Variants in GTPBP4 observed in about 807,000 individuals in gnomAD.
GTPBP4 encodes the protein GTP binding protein 4.
GTPBP4 carries 15 observed loss-of-function variants against 81.7 expected under a neutral mutation model. That is an observed-to-expected ratio of 0.18 (90% CI 0.12 to 0.28). The LOEUF (loss-of-function observed/expected upper bound fraction) is 0.28, where lower values mean the gene tolerates loss of function less well. Ranked by LOEUF, GTPBP4 falls within the 10% of genes least tolerant of loss-of-function variation. GTPBP4 has a pLI of 1.00. For synonymous variants in GTPBP4, 272 were observed against 274.6 expected, an observed-to-expected ratio of 0.99 and a Z score of 0.09; for missense variants, 847 against 793.8, an observed-to-expected ratio of 1.07 and a Z score of -0.81.
At chr10:1,006,119 C>T (rs1229444735) in intron 9 of GTPBP4, among the ~76,000 whole-genome samples, 4 of 152,232 alleles carry the variant, frequency 2.6e-5, no homozygotes. Context: ...TGAGGGGATG[C>T]TTTGCTCTTC....
chr10:1,009,222 A>G (rs989051279), intron 11 of GTPBP4, among the ~76,000 whole-genome samples, 187 bp downstream of exon 11: 2 of 152,196 alleles, frequency 1.3e-5, no homozygotes, highest in African/African-American at 4.8e-5. Flanking sequence ...CTGAGGGAAG[A>G]TGGCCGTGAA....
intron 6 of GTPBP4, 67 bp downstream of exon 6, chr10:999,162 A>T: frequency 1.1e-6 from 1 of 887,466 alleles, no homozygotes; most frequent in Non-Finnish European, 1.9e-6. Flanking sequence ...CTTGTTGCCC[A>T]GGCTGGAGTG....
At chr10:1,008,640 C>T (rs761210515) in intron 10 of GTPBP4, among the ~76,000 whole-genome samples, 9 of 152,180 alleles carry the variant, frequency 5.9e-5, no homozygotes. Context: ...CCACTTTCTT[C>T]TTCCATAATT....
intron 8 of GTPBP4, 72 bp from the exon 9 acceptor site, chr10:1,005,746 G>C: frequency 2.3e-6 from 2 of 863,610 alleles, no homozygotes; most frequent in East Asian, 2.4e-5. Flanking sequence ...TCCATTTGCA[G>C]AACTGTACAG....
chr10:990,298 T>A (rs965286257), intron 1 of GTPBP4, among the ~76,000 whole-genome samples: 11 of 151,678 alleles, frequency 7.3e-5, no homozygotes, highest in Non-Finnish European at 1.5e-4. Context: ...AAAAAAAAAA[T>A]CACATCGGGA....
At chr10:1,014,704 C>T (rs774425022) in intron 15 of GTPBP4, among the ~76,000 whole-genome samples, 1 of 151,900 alleles carries the variant, frequency 6.6e-6, no homozygotes, top group Non-Finnish European at 1.5e-5. Flanking sequence ...GCCGTGGGAA[C>T]GTGGGAAATT....
Position 1,014,317 on chromosome 10 carries a change from G to A in GTPBP4, c.1608+5G>A. 1.3e-6 allele frequency: 2 copies of A among 1,599,572 alleles called. No homozygotes were observed. Among genetic ancestry groups the A allele is most frequent in the Non-Finnish European group, 1.7e-6 (2 of 1,167,038 alleles). On this transcript the variant is annotated splice_donor_5th_base_variant and intron_variant, in intron 15 of 16. Coordinates refer to ENST00000360803, the MANE Select transcript of GTPBP4 (RefSeq NM_012341.3). Reference sequence around the variant, plus strand: ...GACATGGACGATAAAGACGATGTGAGTGTGGGGGCGGTTCATGTGTTTATG... The same window carrying A: ...GACATGGACGATAAAGACGATGTGAATGTGGGGGCGGTTCATGTGTTTATG...
intron 4 of GTPBP4, 130 bp downstream of exon 4, chr10:996,372 C>A: frequency 1.5e-6 from 1 of 685,228 alleles, no homozygotes; most frequent in Non-Finnish European, 2.3e-6. Flanking sequence ...CCTAGCTTTA[C>A]CTATGAGAAA....
At chr10:1,009,465 G>T in intron 11 of GTPBP4, 64 bp from the exon 12 acceptor site, 1 of 1,029,942 alleles carries the variant, frequency 9.7e-7, no homozygotes. Flanking sequence ...AGTGACAAGG[G>T]GCAGAGCATT....
intron 13 of GTPBP4, among the ~76,000 whole-genome samples, chr10:1,012,021 G>A (rs771258415): frequency 6.6e-6 from 1 of 152,152 alleles, no homozygotes; most frequent in Non-Finnish European, 1.5e-5. Flanking sequence ...GGTGATAAAC[G>A]TGTGTGTTTT....
intron 1 of GTPBP4, 63 bp downstream of exon 1, chr10:988,590 G>A: frequency 7.7e-7 from 1 of 1,296,936 alleles, no homozygotes; most frequent in Non-Finnish European, 1.1e-6. Flanking sequence ...CCCCGGGGAG[G>A]GTCCGGGCCT....
chr10:1,016,458 T>C (rs1367806905), intron 16 of GTPBP4, among the ~76,000 whole-genome samples: 1 of 152,264 alleles, frequency 6.6e-6, no homozygotes, highest in Non-Finnish European at 1.5e-5. Context: ...AGCGTTGTGG[T>C]AATGGAGATG....
At chr10:989,350 G>A (rs572613126) in intron 1 of GTPBP4, among the ~76,000 whole-genome samples, 1 of 152,082 alleles carries the variant, frequency 6.6e-6, no homozygotes, top group Non-Finnish European at 1.5e-5. Flanking sequence ...CCTGATCCCG[G>A]GTGATCCTCC....
Position 1,000,951 on chromosome 10 carries a change from C to T in GTPBP4, c.850C>T (p.Leu284Phe), listed in dbSNP as rs763990736. ...NIRPLFINKP[L>F]IVVANKCDVK... ...ATTATTTTTCTTCCTTGCCTAGCCT[C>T]TCATAGTTGTAGCCAACAAATGTGA... is the stretch of plus-strand genomic sequence containing the variant. Residue 284 changes from leucine to phenylalanine, a missense_variant, in exon 8 of 17, where the codon CTC becomes TTC. Transcript: ENST00000360803. The T allele has an allele frequency of 2.5e-6, 4 of 1,612,598 alleles. No homozygotes were observed. The highest frequency in any genetic ancestry group is 1.7e-4 in the Middle Eastern group (1 of 6,058).
At chr10:1,001,829 T>A (rs1002773115) in intron 8 of GTPBP4, among the ~76,000 whole-genome samples, 1 of 152,150 alleles carries the variant, frequency 6.6e-6, no homozygotes, top group Middle Eastern at 3.2e-3. Context: ...TCCTGGAGAA[T>A]GTTTCATGGA....
chr10:993,732 G>A (rs370168583), intron 2 of GTPBP4, among the ~76,000 whole-genome samples: 8 of 152,176 alleles, frequency 5.3e-5, no homozygotes, highest in East Asian at 3.8e-4. Flanking sequence ...CTGAAGGCAG[G>A]TGTAGGCAGA....
At chr10:998,195 G>T (rs1038816457) in intron 5 of GTPBP4, among the ~76,000 whole-genome samples, 1 of 152,086 alleles carries the variant, frequency 6.6e-6, no homozygotes, top group Non-Finnish European at 1.5e-5. Flanking sequence ...AACCTTCCGG[G>T]CCCAAACAGT....
rs1832025861 is a variant in GTPBP4 at position 1,018,320 on chromosome 10, G to T, written c.*1093G>T. 6.6e-6 allele frequency: 1 copy of T among 151,862 alleles called. No individual in the cohort carries two copies. The highest frequency in any genetic ancestry group is 1.5e-5 in the Non-Finnish European group (1 of 68,050). The allele number at this position is 151,862 out of a possible 1,614,324, so 9.4% of individuals were successfully genotyped here. A position where few individuals can be genotyped will look rare whatever the true frequency, so the allele number is the denominator to read the frequency against. On this transcript the variant is annotated 3_prime_UTR_variant, in exon 17 of 17. Transcript: ENST00000360803. ...GGCATCTGTAATCCTAGCTGCTCGG[G>T]AGGCTAAGGCAGGAGAATTGCTTGA... is the stretch of plus-strand genomic sequence containing the variant.
chr10:1,010,200 C>G (rs1831827578), intron 12 of GTPBP4, among the ~76,000 whole-genome samples: 1 of 83,250 alleles, frequency 1.2e-5, no homozygotes, highest in Admixed American at 1.4e-4. Flanking sequence ...TGTGTTGTTT[C>G]CTGTTGTTTT....
Sources: allele counts gnomAD v4.1 joint callset (sites outside exome capture counted in the v4.1 genomes callset), GRCh38; gene constraint gnomAD v4.1.1; transcripts MANE v1.5; gene names NCBI Gene and HGNC (gene_info 2026-07-23, HGNC 2026-07-21).